The following CLIC5 variants were observed in gnomAD, a reference collection of about 807,000 sequenced individuals.
CLIC5 encodes the protein CLIC family member 5.
CLIC5 carries 20 observed loss-of-function variants against 24.7 expected under a neutral mutation model. That is an observed-to-expected ratio of 0.81 (90% CI 0.57 to 1.18). The LOEUF is 1.18. Among genes scored for constraint, CLIC5 ranks in the 50% most tolerant of loss-of-function variants. The probability of loss-of-function intolerance (pLI) is 0.00; values close to 1 mark genes in which losing one functional copy is unlikely to be tolerated. For synonymous variants in CLIC5, 159 were observed against 135.6 expected, an observed-to-expected ratio of 1.17 and a Z score of -1.20; for missense variants, 341 against 326.1, an observed-to-expected ratio of 1.05 and a Z score of -0.35.
chr6:46,111,887 G>A, the CLIC5 span, among the ~76,000 whole-genome samples: 1 of 152,136 alleles, frequency 6.6e-6, no homozygotes, highest in Non-Finnish European at 1.5e-5. Context: ...GTTTTATAAA[G>A]AGAAGTTTCC....
the CLIC5 span, among the ~76,000 whole-genome samples, chr6:46,088,152 G>A: frequency 4.3e-5 from 5 of 116,234 alleles, no homozygotes; most frequent in East Asian, 5.0e-4. Flanking sequence ...GTACTCTCTC[G>A]CTCTCTTTCT....
intron 1 of CLIC5, among the ~76,000 whole-genome samples, chr6:46,033,437 C>T (rs1043119933): frequency 6.6e-6 from 1 of 152,110 alleles, no homozygotes; most frequent in African/African-American, 2.4e-5. Context: ...TGTAATAGCT[C>T]ATTTGGTCAT....
chr6:46,025,283 C>T (rs972320235), intron 1 of CLIC5, among the ~76,000 whole-genome samples: 1 of 152,034 alleles, frequency 6.6e-6, no homozygotes, highest in Non-Finnish European at 1.5e-5. Context: ...AAACAAAGAA[C>T]AAAAGAGTTA....
chr6:46,064,118 T>C (rs953665129), intron 1 of CLIC5, among the ~76,000 whole-genome samples: 1 of 152,156 alleles, frequency 6.6e-6, no homozygotes, highest in Admixed American at 6.6e-5. Flanking sequence ...AACTGCTATA[T>C]AAACATACAT....
intron 1 of CLIC5, among the ~76,000 whole-genome samples, chr6:45,965,179 G>C (rs999672449): frequency 2.6e-5 from 4 of 152,302 alleles, no homozygotes; most frequent in Admixed American, 1.3e-4. Flanking sequence ...CCAGAGGAGA[G>C]TGTTCCTAAA....
chr6:46,042,399 C>CT (rs1767832069), intron 1 of CLIC5, among the ~76,000 whole-genome samples: 1 of 150,758 alleles, frequency 6.6e-6, no homozygotes, highest in African/African-American at 2.4e-5. Flanking sequence ...GTAGTTTTTT[C>CT]TTTTTTCAAA....
intron 1 of CLIC5, among the ~76,000 whole-genome samples, chr6:46,063,993 T>C (rs1762365312): frequency 3.3e-5 from 5 of 152,186 alleles, no homozygotes; most frequent in Admixed American, 2.0e-4. Context: ...AGCCAAAAGA[T>C]ATTACTAGTG....
intron 1 of CLIC5, among the ~76,000 whole-genome samples, chr6:46,034,889 C>T (rs1384605594): frequency 3.3e-5 from 5 of 152,264 alleles, no homozygotes; most frequent in Admixed American, 1.3e-4. Flanking sequence ...TACTAAGGTT[C>T]GGAGAAGTGG....
intron 4 of CLIC5, among the ~76,000 whole-genome samples, chr6:45,934,863 G>A (rs1763873617): frequency 6.6e-6 from 1 of 152,166 alleles, no homozygotes; most frequent in Admixed American, 6.5e-5. Context: ...TTTTAAAAAG[G>A]GGTAGGAGAC....
chr6:45,914,447 C>A (rs776684666), intron 4 of CLIC5, 38 bp from the exon 5 acceptor site: 15 of 1,528,142 alleles, frequency 9.8e-6, no homozygotes, highest in Non-Finnish European at 1.3e-5. Flanking sequence ...ATTCAAACTT[C>A]TTGCCAGTGG....
intron 1 of CLIC5, among the ~76,000 whole-genome samples, chr6:45,961,011 T>G (rs942664348): frequency 6.6e-6 from 1 of 152,220 alleles, no homozygotes; most frequent in Non-Finnish European, 1.5e-5. Context: ...TTTCTCCTGT[T>G]TAAGCTACCA....
the CLIC5 span, among the ~76,000 whole-genome samples, chr6:46,113,781 G>C: frequency 4.6e-5 from 7 of 152,126 alleles, no homozygotes; most frequent in Non-Finnish European, 1.0e-4. Context: ...TGAGGCCACA[G>C]AGGTTGGCCC....
intron 1 of CLIC5, among the ~76,000 whole-genome samples, chr6:45,958,250 T>G (rs1229686190): frequency 6.6e-6 from 1 of 151,386 alleles, no homozygotes; most frequent in Non-Finnish European, 1.5e-5. Flanking sequence ...CAAGGATTGG[T>G]GGCAGACACC....
Position 45,901,412 on chromosome 6 carries a change from A to C in CLIC5, c.*1676T>G, listed in dbSNP as rs1762508818. ...TCAATGGGTTACTTTTTTTCTTCAG[A>C]GATCCCTGGAGGCAGGTAGGTCCAG... On this transcript the variant is annotated 3_prime_UTR_variant, in exon 6 of 6. Coordinates refer to ENST00000339561, the MANE Select transcript of CLIC5 (RefSeq NM_016929.5). 1 of 152,066 alleles carries C rather than the reference A, an allele frequency of 6.6e-6. No individual in the cohort carries two copies. Among genetic ancestry groups the C allele is most frequent in the Non-Finnish European group, 1.5e-5 (1 of 68,022 alleles). The allele number at this position is 152,066 out of a possible 1,614,324, so 9.4% of individuals were successfully genotyped here. A position where few individuals can be genotyped will look rare whatever the true frequency, so the allele number is the denominator to read the frequency against.
chr6:46,006,093 CAT>C (rs1243138730), intron 1 of CLIC5, among the ~76,000 whole-genome samples: 2,614 of 94,708 alleles, frequency 0.028, 154 homozygotes, highest in African/African-American at 0.065. Flanking sequence ...TGTATAAATA[CAT>C]ATATATATAT....
At chr6:46,062,805 A>T (rs1762325475) in intron 1 of CLIC5, among the ~76,000 whole-genome samples, 1 of 152,208 alleles carries the variant, frequency 6.6e-6, no homozygotes. Context: ...GTAGCTGGAG[A>T]ATGGGACTTC....
intron 1 of CLIC5, among the ~76,000 whole-genome samples, chr6:45,990,853 A>G (rs1282152501): frequency 1.3e-5 from 2 of 152,202 alleles, no homozygotes; most frequent in Non-Finnish European, 2.9e-5. Flanking sequence ...ACAAACCTGG[A>G]TTCAAGACCG....
chr6:46,056,736 C>A (rs1267611916), intron 1 of CLIC5, among the ~76,000 whole-genome samples: 5 of 152,154 alleles, frequency 3.3e-5, no homozygotes, highest in African/African-American at 1.2e-4. Context: ...GGGGACTCTA[C>A]TTCTTTTGGG....
In CLIC5 at chr6:45,900,718, C is replaced by G. The variant is rs555624839; in HGVS notation, c.*2370G>C. 1 of 152,270 alleles carries G rather than the reference C, an allele frequency of 6.6e-6. No individual in the cohort carries two copies. Among genetic ancestry groups the G allele is most frequent in the East Asian group, 1.9e-4 (1 of 5,184 alleles). 9.4% of individuals were successfully genotyped at this position (152,270 alleles called of 1,614,324 possible). ...GTGCCTTCCTTCTGTACTCCTCCCT[C>G]TCTTTCAAATGGCTATCATTGATCA... On this transcript the variant is annotated 3_prime_UTR_variant, in exon 6 of 6. Coordinates refer to ENST00000339561, the MANE Select transcript of CLIC5 (RefSeq NM_016929.5).
Sources: allele counts gnomAD v4.1 joint callset (sites outside exome capture counted in the v4.1 genomes callset), GRCh38; gene constraint gnomAD v4.1.1; transcripts MANE v1.5; gene names NCBI Gene and HGNC (gene_info 2026-07-23, HGNC 2026-07-21).